The following EML5 variants were observed in gnomAD, a reference collection of about 807,000 sequenced individuals.
The protein encoded by EML5 is echinoderm microtubule-associated protein-like 5.
EML5 carries 120 observed loss-of-function variants against 250.0 expected under a neutral mutation model. The observed-to-expected ratio is 0.48, with a 90% CI of 0.41 to 0.56. The LOEUF is 0.56. EML5 is among the 20% of genes least tolerant of loss of function. The pLI is 0.00. For synonymous variants in EML5, 771 were observed against 806.5 expected, an observed-to-expected ratio of 0.96 and a Z score of 0.75; for missense variants, 2,006 against 2,437.6, an observed-to-expected ratio of 0.82 and a Z score of 3.73.
intron 1 of EML5, among the ~76,000 whole-genome samples, chr14:88,763,072 G>A (rs2094269415): frequency 6.6e-6 from 1 of 151,998 alleles, no homozygotes; most frequent in South Asian, 2.1e-4. Context: ...ATCTAAAATC[G>A]ACACCCTAAC....
intron 8 of EML5, among the ~76,000 whole-genome samples, chr14:88,721,238 T>A (rs1009887484): frequency 6.6e-6 from 1 of 152,140 alleles, no homozygotes; most frequent in South Asian, 2.1e-4. Flanking sequence ...CTACCACTGA[T>A]ATTCTTCAAA....
At chr14:88,744,138 A>G (rs1167742200) in intron 3 of EML5, 47 bp from the exon 4 acceptor site, 2 of 1,394,024 alleles carry the variant, frequency 1.4e-6, no homozygotes, top group Admixed American at 2.2e-5. Context: ...TTCCAGAATC[A>G]TTTAAAAATC....
intron 27 of EML5, among the ~76,000 whole-genome samples, chr14:88,652,221 C>T (rs1567065482): frequency 6.6e-6 from 1 of 152,108 alleles, no homozygotes; most frequent in Non-Finnish European, 1.5e-5. Context: ...TGATCACTCT[C>T]CATCCCCTTT....
chr14:88,729,875 T>C (rs1033231821), intron 7 of EML5, among the ~76,000 whole-genome samples: 9 of 151,680 alleles, frequency 5.9e-5, no homozygotes, highest in Non-Finnish European at 1.0e-4. Context: ...TTTTTGTTTT[T>C]TTTTTTTGTT....
At chr14:88,734,046 C>A (rs897045056) in intron 7 of EML5, among the ~76,000 whole-genome samples, 1 of 151,632 alleles carries the variant, frequency 6.6e-6, no homozygotes, top group Non-Finnish European at 1.5e-5. Flanking sequence ...ATTGAAATTA[C>A]TTGCAATTTA....
intron 21 of EML5, among the ~76,000 whole-genome samples, chr14:88,667,267 T>C (rs2092333202): frequency 6.6e-6 from 1 of 152,260 alleles, no homozygotes; most frequent in Non-Finnish European, 1.5e-5. Context: ...GTATATTAAC[T>C]ATTTGACTTT....
chr14:88,753,989 T>G (rs981962233), intron 2 of EML5, among the ~76,000 whole-genome samples: 1 of 151,602 alleles, frequency 6.6e-6, no homozygotes. Context: ...AAAAAAAAAT[T>G]AGCCAGGCAT....
chr14:88,781,322 T>C (rs2094495547), intron 1 of EML5, among the ~76,000 whole-genome samples: 1 of 152,220 alleles, frequency 6.6e-6, no homozygotes, highest in African/African-American at 2.4e-5. Flanking sequence ...TCACAGTTCT[T>C]CACACTTACA....
chr14:88,694,907 T>C (rs960394670), intron 16 of EML5, among the ~76,000 whole-genome samples: 3 of 152,156 alleles, frequency 2.0e-5, no homozygotes, highest in African/African-American at 7.2e-5. Context: ...AAAGCATTGT[T>C]AATATTACTA....
At chr14:88,629,403 G>A (rs992149092) in intron 33 of EML5, among the ~76,000 whole-genome samples, 8 of 152,128 alleles carry the variant, frequency 5.3e-5, no homozygotes, top group Admixed American at 2.0e-4. Context: ...GTTTTAAAAC[G>A]TATAGGTACG....
intron 17 of EML5, 39 bp from the exon 18 acceptor site, chr14:88,688,512 A>G (rs764334117): frequency 1.3e-6 from 2 of 1,596,348 alleles, no homozygotes; most frequent in South Asian, 2.2e-5. Flanking sequence ...CCACTTTCAA[A>G]ATGTACTCAA....
intron 8 of EML5, among the ~76,000 whole-genome samples, chr14:88,725,213 G>C (rs68122150): frequency 0.19 from 28,416 of 152,054 alleles, 3,218 homozygotes; most frequent in East Asian, 0.47. Context: ...AGATGAAAAA[G>C]TTCTGAAGCT....
intron 2 of EML5, among the ~76,000 whole-genome samples, chr14:88,750,460 T>A (rs919300546): frequency 6.6e-6 from 1 of 152,184 alleles, no homozygotes; most frequent in African/African-American, 2.4e-5. Flanking sequence ...CAGGGGTTAC[T>A]GTGAAAATTG....
chr14:88,693,788 T>C (rs866654550), intron 17 of EML5, among the ~76,000 whole-genome samples: 47 of 115,494 alleles, frequency 4.1e-4, no homozygotes, highest in East Asian at 3.7e-3. Flanking sequence ...TTTTTTTTTT[T>C]CGAGACAAGT....
intron 38 of EML5, 67 bp downstream of exon 38, chr14:88,621,046 A>C: frequency 6.6e-7 from 1 of 1,511,398 alleles, no homozygotes; most frequent in Non-Finnish European, 8.9e-7. Flanking sequence ...AAGTACTAGC[A>C]ATTTAGAACT....
chr14:88,729,863 GTTTT>G (rs767744148), intron 7 of EML5, among the ~76,000 whole-genome samples: 3 of 67,890 alleles, frequency 4.4e-5, no homozygotes, highest in Admixed American at 1.5e-4. Flanking sequence ...ACTCGGTCTT[GTTTT>G]TTGTTTTTTT....
At chr14:88,759,904 A>T (rs953455317) in intron 1 of EML5, among the ~76,000 whole-genome samples, 1 of 152,118 alleles carries the variant, frequency 6.6e-6, no homozygotes, top group Non-Finnish European at 1.5e-5. Context: ...GTTGCTCCAC[A>T]TTCCTACTAA....
intron 1 of EML5, among the ~76,000 whole-genome samples, chr14:88,764,277 T>C (rs77078520): frequency 0.012 from 1,893 of 152,336 alleles, 25 homozygotes; most frequent in Non-Finnish European, 0.02. Context: ...AGTTGAGAAG[T>C]AGTACTTCCT....
chr14:88,703,867 AC>A (rs2093265722), intron 13 of EML5, among the ~76,000 whole-genome samples: 1 of 152,224 alleles, frequency 6.6e-6, no homozygotes, highest in South Asian at 2.1e-4. Context: ...ATTATCTCTT[AC>A]ATTTTACTTA....
Sources: allele counts gnomAD v4.1 joint callset (sites outside exome capture counted in the v4.1 genomes callset), GRCh38; gene constraint gnomAD v4.1.1; transcripts MANE v1.5; gene names NCBI Gene and HGNC (gene_info 2026-07-23, HGNC 2026-07-21).